The following SEC16B variants were observed in gnomAD, a reference collection of about 807,000 sequenced individuals.
SEC16B encodes SEC16 homolog B, endoplasmic reticulum export factor, also known as protein transport protein Sec16B.
SEC16B carries 115 observed loss-of-function variants against 141.8 expected under a neutral mutation model. That is an observed-to-expected ratio of 0.81 (90% confidence interval 0.70 to 0.95). The LOEUF (loss-of-function observed/expected upper bound fraction) is 0.95. SEC16B is among the 40% of genes least tolerant of loss of function. SEC16B has a pLI of 0.00. For missense variants in SEC16B, 1,291 were observed against 1,312.3 expected, an observed-to-expected ratio of 0.98 and a Z score of 0.25; for synonymous variants, 493 against 492.5, an observed-to-expected ratio of 1.00 and a Z score of -0.01.
At chr1:177,963,934 G>T (rs540136032) in intron 5 of SEC16B, among the ~76,000 whole-genome samples, 1 of 152,258 alleles carries the variant, frequency 6.6e-6, no homozygotes, top group African/African-American at 2.4e-5. Context: ...TCTTGATCCT[G>T]TCAATTTGAT....
intron 5 of SEC16B, among the ~76,000 whole-genome samples, chr1:177,962,251 T>C (rs1653127413): frequency 6.6e-6 from 1 of 151,984 alleles, no homozygotes; most frequent in South Asian, 2.1e-4. Flanking sequence ...TTTGTATTTT[T>C]AGTAGAGATG....
chr1:177,970,935 C>T (rs1653916113), upstream of SEC16B, among the ~76,000 whole-genome samples: 1 of 152,156 alleles, frequency 6.6e-6, no homozygotes, highest in Non-Finnish European at 1.5e-5. Flanking sequence ...TCATGTCTGT[C>T]CTTACTAGTC....
intron 1 of SEC16B, among the ~76,000 whole-genome samples, chr1:177,968,391 T>TA (rs879591458): frequency 7.2e-5 from 11 of 152,216 alleles, no homozygotes; most frequent in Non-Finnish European, 1.6e-4. Context: ...ATTTAACACT[T>TA]ACAGCGGAGG....
At chr1:177,968,326 T>C (rs540717665) in intron 1 of SEC16B, among the ~76,000 whole-genome samples, 105 of 152,326 alleles carry the variant, frequency 6.9e-4, no homozygotes, top group Non-Finnish European at 1.3e-3. Context: ...CAGCTAAAAA[T>C]GCTATCAAGG....
intron 3 of SEC16B, among the ~76,000 whole-genome samples, 187 bp from the exon 4 acceptor site, chr1:177,965,354 T>A (rs1479054939): frequency 1.3e-5 from 2 of 152,052 alleles, no homozygotes; most frequent in Non-Finnish European, 2.9e-5. Context: ...CAGTCCCCTC[T>A]GAACTAGTTA....
At chr1:177,947,797 G>A (rs1311316675) in intron 13 of SEC16B, 28 bp downstream of exon 13, 2 of 1,440,714 alleles carry the variant, frequency 1.4e-6, no homozygotes, top group Admixed American at 2.0e-5. Flanking sequence ...AGGGAGGGGA[G>A]CGGAGGGGAA....
In SEC16B at chr1:177,965,095, T is replaced by G. The variant is rs781274643; in HGVS notation, c.485A>C (p.Tyr162Ser). 1.2e-6 allele frequency: 2 copies of G among 1,613,730 alleles called. No individual in the cohort carries two copies. The highest frequency in any genetic ancestry group is 1.1e-5 in the South Asian group (1 of 90,958). ...TCCAAATGGACTGTGCTGGTTTTCA[T>G]AATGATGTTCATCAAGGTACTTTTG... ...REQKYLDEHH[Y>S]ENQHSPFGTN... The change falls in exon 4 of 26, where the codon TAT (tyrosine) becomes TCT (serine). Residue 162 changes from tyrosine to serine, a missense_variant. By Grantham distance (144) the Tyr-to-Ser change is moderately radical. This residue lies in a region of SEC16B where 681 missense variants were observed against 675.5 expected (regional missense o/e 1.01). Coordinates refer to ENST00000308284, the MANE Select transcript of SEC16B (RefSeq NM_033127.4).
intron 12 of SEC16B, among the ~76,000 whole-genome samples, chr1:177,949,474 T>C (rs1557977733): frequency 6.6e-6 from 1 of 150,658 alleles, no homozygotes; most frequent in Non-Finnish European, 1.5e-5. Context: ...CGCTGGTGAT[T>C]TGAAAAGATC....
At chr1:177,940,541 C>A in intron 17 of SEC16B, 69 bp downstream of exon 17, 1 of 1,110,036 alleles carries the variant, frequency 9.0e-7, no homozygotes, top group Non-Finnish European at 1.4e-6. Flanking sequence ...CTACCTGTTC[C>A]ATGTCTAGGG....
intron 12 of SEC16B, chr1:177,948,372 G>T (rs1399037917): frequency 7.7e-7 from 1 of 1,305,160 alleles, no homozygotes; most frequent in East Asian, 5.5e-5. Flanking sequence ...GGGAACACGG[G>T]CCTGCTTAAT....
intron 10 of SEC16B, among the ~76,000 whole-genome samples, chr1:177,956,146 A>G (rs1652584222): frequency 6.6e-6 from 1 of 152,202 alleles, no homozygotes; most frequent in African/African-American, 2.4e-5. Flanking sequence ...TAATTTCATT[A>G]TGCATTATAA....
chr1:177,946,665 T>C, intron 13 of SEC16B, 134 bp from the exon 14 acceptor site: 1 of 640,700 alleles, frequency 1.6e-6, no homozygotes, highest in South Asian at 1.9e-5. Flanking sequence ...ACTAAATGAA[T>C]GAGCCTTTCA....
chr1:177,928,937 A>G lies in SEC16B; in HGVS notation c.*921T>C, dbSNP rs1197168086. 3.3e-5 allele frequency: 5 copies of G among 152,268 alleles called. No individual in the cohort carries two copies. The highest frequency in any genetic ancestry group is 7.3e-5 in the Non-Finnish European group (5 of 68,042). The allele number at this position is 152,268 out of a possible 1,614,324, so 9.4% of individuals were successfully genotyped here. A position where few individuals can be genotyped will look rare whatever the true frequency, so the allele number is the denominator to read the frequency against. ...GCAAATCTGACAAACAGCAAGAGTC[A>G]TTCCTATTTTGGGTTTGAAAAGAGA... On this transcript the variant is annotated 3_prime_UTR_variant, in exon 26 of 26. Coordinates refer to ENST00000308284, the MANE Select transcript of SEC16B (RefSeq NM_033127.4).
chr1:177,959,175 C>A, intron 8 of SEC16B, 200 bp from the exon 9 acceptor site: 1 of 630,204 alleles, frequency 1.6e-6, no homozygotes, highest in Non-Finnish European at 2.9e-6. Flanking sequence ...CAGAGATTCT[C>A]TCATGCACCC....
chr1:177,943,395 AACC>A (rs1651428122), intron 15 of SEC16B, among the ~76,000 whole-genome samples: 1 of 152,236 alleles, frequency 6.6e-6, no homozygotes, highest in Non-Finnish European at 1.5e-5. Context: ...CTATGTAACA[AACC>A]TGCACATTCA....
chr1:177,955,513 A>G (rs1057034626), intron 10 of SEC16B, among the ~76,000 whole-genome samples: 24 of 151,570 alleles, frequency 1.6e-4, no homozygotes, highest in African/African-American at 5.8e-4. Flanking sequence ...TGCCTGGCTA[A>G]TTTTTGTATT....
At chr1:177,944,086 C>T (rs745584949) in intron 15 of SEC16B, among the ~76,000 whole-genome samples, 1 of 152,062 alleles carries the variant, frequency 6.6e-6, no homozygotes, top group Non-Finnish European at 1.5e-5. Flanking sequence ...CTGAGTGGGA[C>T]GAAGAAGGGT....
chr1:177,969,338 C>G (rs571140212), intron 1 of SEC16B, among the ~76,000 whole-genome samples: 2 of 152,218 alleles, frequency 1.3e-5, no homozygotes, highest in South Asian at 4.2e-4. Flanking sequence ...GCGGAGGGGG[C>G]CTCCCACCTC....
intron 12 of SEC16B, among the ~76,000 whole-genome samples, chr1:177,951,513 G>A (rs1652191279): frequency 6.6e-6 from 1 of 152,232 alleles, no homozygotes; most frequent in Non-Finnish European, 1.5e-5. Context: ...AAGAAGGGCA[G>A]CCCTGCCAGG....
Sources: gnomAD v4.1 joint callset for allele counts (sites outside exome capture counted in the v4.1 genomes callset) on GRCh38, gnomAD v4.1.1 for gene constraint, gnomAD v4.1.1 regional missense constraint, MANE v1.5 for transcripts, NCBI Gene and HGNC (gene_info 2026-07-23, HGNC 2026-07-21) for gene names.